The following LPP variants were observed in gnomAD, a reference collection of about 807,000 sequenced individuals.
The protein encoded by LPP is LIM domain containing preferred translocation partner in lipoma, also known as lipoma-preferred partner.
LPP carries 38 observed loss-of-function variants against 60.4 expected under a neutral mutation model. The ratio of observed to expected loss-of-function variants is 0.63; its 90% CI spans 0.49 to 0.83. The LOEUF (loss-of-function observed/expected upper bound fraction) is 0.83. LPP is among the 40% of genes least tolerant of loss of function. The probability of loss-of-function intolerance (pLI) is 0.00; values close to 1 mark genes in which losing one functional copy is unlikely to be tolerated. For synonymous variants in LPP, 328 were observed against 290.8 expected, an observed-to-expected ratio of 1.13 and a Z score of -1.30; for missense variants, 902 against 783.6, an observed-to-expected ratio of 1.15 and a Z score of -1.80.
At chr3:188,385,362 G>A (rs938928347) in intron 3 of LPP, among the ~76,000 whole-genome samples, 1 of 152,152 alleles carries the variant, frequency 6.6e-6, no homozygotes, top group African/African-American at 2.4e-5. Flanking sequence ...GGTGTGAAGA[G>A]AGGGTTCATT....
intron 7 of LPP, among the ~76,000 whole-genome samples, chr3:188,683,281 A>G (rs999818687): frequency 1.3e-5 from 2 of 150,638 alleles, no homozygotes; most frequent in Admixed American, 6.6e-5. Flanking sequence ...TGGGCCATGG[A>G]CCTGGGCGTC....
At chr3:188,867,856 G>C (rs913104569) in intron 10 of LPP, among the ~76,000 whole-genome samples, 2 of 152,110 alleles carry the variant, frequency 1.3e-5, no homozygotes, top group Non-Finnish European at 2.9e-5. Flanking sequence ...TCACCACTGT[G>C]TTGATTGTCA....
intron 9 of LPP, among the ~76,000 whole-genome samples, chr3:188,787,196 A>G (rs1045424210): frequency 7.9e-5 from 12 of 152,268 alleles, no homozygotes; most frequent in South Asian, 2.1e-4. Flanking sequence ...CCATAGTTTT[A>G]CAAGGTATTA....
At chr3:188,714,653 G>A (rs1350918921) in intron 8 of LPP, among the ~76,000 whole-genome samples, 2 of 151,850 alleles carry the variant, frequency 1.3e-5, no homozygotes, top group African/African-American at 4.8e-5. Context: ...TTTTGTCCAT[G>A]TTCATTATAA....
At position 188,889,621 on chromosome 3, in the gene LPP, A is replaced by G; in HGVS notation, c.*15142A>G. 1 of 226,026 alleles carries G rather than the reference A, an allele frequency of 4.4e-6. No individual in the cohort carries two copies. The highest frequency in any genetic ancestry group is 8.8e-6 in the Non-Finnish European group (1 of 113,480). 14.0% of individuals were successfully genotyped at this position (226,026 alleles called of 1,614,324 possible). On this transcript the variant is annotated 3_prime_UTR_variant, in exon 12 of 12. Transcript: ENST00000617246. ...CCCAGTTTTACCAAATGGAAGTAAA[A>G]GGGGACAAACTATGGAAGATGGACT...
rs147031756 is a variant in LPP, at chr3:188,842,717, C to A, written c.1411-23483C>A. On this transcript the variant is annotated intron_variant, in intron 9 of 11. Transcript: ENST00000617246. ...AACAATATATTTATTCATAATATCA[C>A]TTTGAATATCATTTGTTTTCATCTT... 5.2e-4 allele frequency among the ~76,000 whole-genome samples: 79 copies of A among 151,650 alleles called. No homozygotes were observed. In the East Asian group the frequency reaches 0.014, roughly 27 times the overall value.
chr3:188,796,284 A>C (rs1172114101), intron 9 of LPP, among the ~76,000 whole-genome samples: 1 of 152,200 alleles, frequency 6.6e-6, no homozygotes, highest in Non-Finnish European at 1.5e-5. Flanking sequence ...AACTGAAAGA[A>C]GGCCAGTGTG....
chr3:188,758,748 G>C (rs1393247781), intron 8 of LPP: 1 of 152,154 alleles, frequency 6.6e-6, no homozygotes, highest in African/African-American at 2.4e-5. Flanking sequence ...TGTTAATCCT[G>C]ATGCACAGAA....
Position 188,782,729 on chromosome 3 carries a change from A to C in LPP, c.1410+22447A>C, listed in dbSNP as rs562982287. ...GTCTTTTGCTTGCCAGAACAGCTGA[A>C]TGTTGCTGGGAAAAAAAAAAACAAA... On this transcript the variant is annotated intron_variant, in intron 9 of 11. Transcript: ENST00000617246. Among the ~76,000 whole-genome samples the C allele has an allele frequency of 1.9e-4, 28 of 149,316 alleles. No homozygotes were observed. The South Asian group carries it at 6.0e-3, about 32-fold the overall frequency.
intron 1 of LPP, among the ~76,000 whole-genome samples, chr3:188,186,082 T>G (rs948260803): frequency 6.6e-6 from 1 of 152,132 alleles, no homozygotes; most frequent in African/African-American, 2.4e-5. Context: ...CCATAGTTCT[T>G]GAGACTTAAC....
At chr3:188,203,395 T>C (rs1731715084) in intron 1 of LPP, among the ~76,000 whole-genome samples, 1 of 68,982 alleles carries the variant, frequency 1.4e-5, no homozygotes, top group Non-Finnish European at 2.7e-5. Context: ...TATATATTAA[T>C]ATATATTTTT....
intron 5 of LPP, among the ~76,000 whole-genome samples, chr3:188,516,115 G>A (rs1396691968): frequency 2.0e-5 from 3 of 152,208 alleles, no homozygotes; most frequent in Non-Finnish European, 4.4e-5. Context: ...TATCAAGTTA[G>A]TGGGTTATTT....
intron 4 of LPP, among the ~76,000 whole-genome samples, chr3:188,464,299 C>G (rs959818764): frequency 3.9e-5 from 6 of 152,166 alleles, no homozygotes; most frequent in Non-Finnish European, 7.3e-5. Flanking sequence ...ATGGTAGCTG[C>G]TAGCCCCATG....
At chr3:188,442,073 T>G (rs1023402116) in intron 4 of LPP, among the ~76,000 whole-genome samples, 3 of 152,220 alleles carry the variant, frequency 2.0e-5, no homozygotes, top group African/African-American at 7.2e-5. Context: ...CAATAACTAT[T>G]GAATGAATGA....
intron 7 of LPP, among the ~76,000 whole-genome samples, chr3:188,677,568 G>A (rs916823337): frequency 1.3e-5 from 2 of 152,126 alleles, no homozygotes; most frequent in African/African-American, 2.4e-5. Flanking sequence ...TTTAAAAGCT[G>A]TTATTAAATC....
chr3:188,234,440 G>A (rs1721171937), intron 2 of LPP, among the ~76,000 whole-genome samples: 1 of 152,198 alleles, frequency 6.6e-6, no homozygotes, highest in Admixed American at 6.5e-5. Flanking sequence ...ATATCGCCAT[G>A]GGAGTGGAGA....
chr3:188,315,773 T>C (rs1286010525), intron 2 of LPP, among the ~76,000 whole-genome samples: 2 of 152,214 alleles, frequency 1.3e-5, no homozygotes, highest in African/African-American at 2.4e-5. Flanking sequence ...CAGGGAATTA[T>C]GGAATTTGTG....
intron 2 of LPP, among the ~76,000 whole-genome samples, chr3:188,307,429 T>C (rs1751888669): frequency 6.6e-6 from 1 of 152,212 alleles, no homozygotes; most frequent in Non-Finnish European, 1.5e-5. Flanking sequence ...CTCAAATCAA[T>C]GATTAGAAAT....
chr3:188,508,531 G>A (rs1398487853), intron 5 of LPP, among the ~76,000 whole-genome samples: 1 of 152,204 alleles, frequency 6.6e-6, no homozygotes, highest in Non-Finnish European at 1.5e-5. Flanking sequence ...AATTGAATAT[G>A]TATTAAGCTC....
Sources: allele counts gnomAD v4.1 joint callset (sites outside exome capture counted in the v4.1 genomes callset), GRCh38; gene constraint gnomAD v4.1.1; transcripts MANE v1.5; gene names NCBI Gene and HGNC (gene_info 2026-07-23, HGNC 2026-07-21).